The following TEX14 variants were observed in gnomAD, a reference collection of about 807,000 sequenced individuals.
The protein encoded by TEX14 is inactive serine/threonine-protein kinase TEX14.
A neutral mutation model predicts 178.6 loss-of-function variants in TEX14; 168 were observed. The ratio of observed to expected loss-of-function variants is 0.94; its 90% confidence interval spans 0.83 to 1.07. The LOEUF is 1.07. Ranked by LOEUF, TEX14 falls within the 50% of genes least tolerant of loss-of-function variation. The probability of loss-of-function intolerance (pLI) is 0.00; values close to 1 mark genes in which losing one functional copy is unlikely to be tolerated. For missense variants in TEX14, 1,730 were observed against 1,753.6 expected (o/e 0.99, Z 0.24); for synonymous variants, 626 against 634.1 (o/e 0.99, Z 0.19).
Position 58,599,233 on chromosome 17 carries a change from G to A in TEX14, c.2112C>T (p.Ser704=), listed in dbSNP as rs754212685. 1.2e-6 allele frequency: 2 copies of A among 1,613,902 alleles called. No homozygotes were observed. Among genetic ancestry groups the A allele is most frequent in the East Asian group, 2.2e-5 (1 of 44,886 alleles). The change falls in exon 14 of 32, where the codon AGC becomes AGT. Residue 704 remains serine, a synonymous_variant. Transcript: ENST00000349033. ...TGGCTTCTCTGGTTGACTCAGGAAG[G>A]CTGAGTGAACTGAGTGAACCGTTTT... ...DWQNGSLSSL[S]LPESTREAKS...
chr17:58,615,258 C>T lies in TEX14; in HGVS notation c.855G>A (p.Leu285=). The change falls in exon 8 of 32, where the codon TTG becomes TTA. Residue 285 remains leucine, a synonymous_variant. Transcript: ENST00000349033. The part of the protein sequence containing the change: ...PHCSRLRLAD[L]LIAEQEHSSK... ...TGCTGTGTTCCTGCTCGGCAATTAA[C>T]AAGTCGGCCAGCCGCAGCCTGCTGC... is the stretch of plus-strand genomic sequence containing the variant. 6.2e-7 allele frequency: 1 copy of T among 1,613,536 alleles called. No individual in the cohort carries two copies. The highest frequency in any genetic ancestry group is 8.5e-7 in the Non-Finnish European group (1 of 1,179,526).
At position 58,557,850 on chromosome 17, in the gene TEX14, T is replaced by A; in HGVS notation, c.4268A>T (p.Asp1423Val). The part of the protein sequence containing the change: ...SEGVLGTSEE[D>V]ELKSCFWKRL... ...CTTCCAAAAACAGGATTTTAGTTCA[T>A]CTTGATGAAATATAAGAGGAAGGAA... Residue 1423 changes from aspartate (D) to valine (V), a missense_variant and splice_region_variant, in exon 31 of 32, where the codon GAT becomes GTT. Physicochemically the swap from Asp to Val is radical, Grantham distance 152 (BLOSUM62 -3). Coordinates refer to ENST00000349033, the MANE Select transcript of TEX14 (RefSeq NM_031272.5). 6.2e-7 allele frequency: 1 copy of A among 1,611,590 alleles called. No homozygotes were observed. The highest frequency in any genetic ancestry group is 8.5e-7 in the Non-Finnish European group (1 of 1,178,498).
chr17:58,569,960 T>C lies in TEX14; in HGVS notation c.3817+425A>G, dbSNP rs894353670. 3.9e-5 allele frequency among the ~76,000 whole-genome samples: 6 copies of C among 152,030 alleles called. No homozygotes were observed. The highest frequency in any genetic ancestry group is 8.8e-5 in the Non-Finnish European group (6 of 67,994). On this transcript the variant is annotated intron_variant, in intron 25 of 31. Coordinates refer to ENST00000349033, the MANE Select transcript of TEX14 (RefSeq NM_031272.5). The surrounding 1 kb of genome is among the most constrained non-coding windows in gnomAD (Gnocchi z 4.1). The stretch of plus-strand genomic sequence containing the variant: ...TGTATAAAGAGCAAAAATTGGAAAA[T>C]GATATAAATCTTAAACATAAGAAAA...
intron 17 of TEX14, 78 bp from the exon 18 acceptor site, chr17:58,586,160 T>C: frequency 7.0e-7 from 1 of 1,419,944 alleles, no homozygotes; most frequent in Non-Finnish European, 9.6e-7. Context: ...AAGAAATACA[T>C]AATACTATTA....
intron 20 of TEX14, among the ~76,000 whole-genome samples, chr17:58,578,160 A>C (rs950819152): frequency 4.6e-5 from 7 of 152,112 alleles, no homozygotes; most frequent in African/African-American, 1.7e-4. Flanking sequence ...GTGGTCTGGT[A>C]GACACTAAGA....
intron 28 of TEX14, among the ~76,000 whole-genome samples, chr17:58,563,294 GTCAGGTTTCT>G (rs2144332636): frequency 6.6e-6 from 1 of 152,160 alleles, no homozygotes; most frequent in East Asian, 1.9e-4. Flanking sequence ...CAGGAACAGA[GTCAGGTTTCT>G]TGAGGCAACC....
chr17:58,631,539 A>G (rs148740245), intron 2 of TEX14: 2 of 150,734 alleles, frequency 1.3e-5, no homozygotes, highest in African/African-American at 2.5e-5. Context: ...TATATACACA[A>G]CACATCTCTC....
chr17:58,633,967 C>CGA lies in TEX14; in HGVS notation c.137-3415_137-3414dup, dbSNP rs1198769477. 7.5e-5 allele frequency among the ~76,000 whole-genome samples: 9 copies of CGA among 119,532 alleles called. No individual in the cohort carries two copies. In the East Asian group the frequency reaches 1.8e-3, roughly 23 times the overall value. 78.4% of individuals were successfully genotyped at this position (119,532 alleles called of 152,430 possible). A position where few individuals can be genotyped will look rare whatever the true frequency, so the allele number is the denominator to read the frequency against. Reference sequence around the variant, plus strand: ...TGGTGACAGAGCAAGACTCTGTCTCCGAAAAAAAAAAAAAAAGCAAATAAG... The same window carrying CGA: ...TGGTGACAGAGCAAGACTCTGTCTCCGAGAAAAAAAAAAAAAAAGCAAATAAG... On this transcript the variant is annotated intron_variant, in intron 2 of 31. Coordinates refer to ENST00000349033, the MANE Select transcript of TEX14 (RefSeq NM_031272.5).
intron 14 of TEX14, among the ~76,000 whole-genome samples, chr17:58,595,146 G>C (rs2045250137): frequency 6.6e-6 from 1 of 151,964 alleles, no homozygotes; most frequent in African/African-American, 2.4e-5. Flanking sequence ...AATCAAAATA[G>C]ATATTTAGAA....
chr17:58,659,309 T>C (rs1007098201), intron 1 of TEX14: 1 of 975,818 alleles, frequency 1.0e-6, no homozygotes, highest in South Asian at 4.7e-5. Context: ...AAGACATTAT[T>C]TACTTAATAT....
chr17:58,622,215 G>C (rs2046014229), intron 4 of TEX14, among the ~76,000 whole-genome samples: 1 of 152,174 alleles, frequency 6.6e-6, no homozygotes, highest in African/African-American at 2.4e-5. Context: ...GGGAGGCCAA[G>C]GTGGGCGAAT....
intron 28 of TEX14, among the ~76,000 whole-genome samples, chr17:58,561,938 C>A (rs1024643503): frequency 6.6e-6 from 1 of 151,996 alleles, no homozygotes; most frequent in Non-Finnish European, 1.5e-5. Flanking sequence ...ATACAAAAAT[C>A]AGCCGGCGTG....
At chr17:58,673,059 A>T (rs550287172) in intron 1 of TEX14, among the ~76,000 whole-genome samples, 25 of 151,844 alleles carry the variant, frequency 1.6e-4, no homozygotes, top group Non-Finnish European at 2.8e-4. Flanking sequence ...TACTTTTTTT[A>T]AAAAAAATTT....
intron 2 of TEX14, among the ~76,000 whole-genome samples, chr17:58,633,702 C>T (rs941192127): frequency 1.3e-5 from 2 of 152,182 alleles, no homozygotes; most frequent in African/African-American, 4.8e-5. Flanking sequence ...GGCGCAGTGG[C>T]TCACGCCTGT....
At chr17:58,617,433 C>T in intron 6 of TEX14, 105 bp downstream of exon 6, 1 of 777,520 alleles carries the variant, frequency 1.3e-6, no homozygotes, top group Non-Finnish European at 2.2e-6. Context: ...AAGAACAACA[C>T]TTTGGTGAGG....
intron 1 of TEX14, among the ~76,000 whole-genome samples, chr17:58,686,054 A>G (rs2047585901): frequency 6.7e-6 from 1 of 148,374 alleles, no homozygotes; most frequent in African/African-American, 2.5e-5. Context: ...AATGTACTGT[A>G]AAAAGATCAT....
rs1357680056 is a variant in TEX14 at position 58,621,780 on chromosome 17, C to T, written c.424G>A (p.Glu142Lys). 6.2e-7 allele frequency: 1 copy of T among 1,613,092 alleles called. No homozygotes were observed. The highest frequency in any genetic ancestry group is 8.5e-7 in the Non-Finnish European group (1 of 1,179,442). ...AGKERSTQIV[E>K]FMQRCASHMQ... Reference sequence around the variant, plus strand: ...TGTGAGGCACAGCGCTGCATGAACTCCACTATCTGCAAAACATCGCAGAGA... The same window carrying T: ...TGTGAGGCACAGCGCTGCATGAACTTCACTATCTGCAAAACATCGCAGAGA... Residue 142 changes from glutamate to lysine, a missense_variant, in exon 5 of 32, where the codon GAG becomes AAG. By Grantham distance (56) the Glu-to-Lys change is moderately conservative. Transcript: ENST00000349033.
chr17:58,661,472 T>G, intron 1 of TEX14: 2 of 782,210 alleles, frequency 2.6e-6, no homozygotes, highest in Non-Finnish European at 4.8e-6. Context: ...CTTGAACACC[T>G]TTTCCTGGAC....
At chr17:58,604,582 A>G (rs2045559915) in intron 11 of TEX14, among the ~76,000 whole-genome samples, 1 of 150,672 alleles carries the variant, frequency 6.6e-6, no homozygotes, top group Admixed American at 6.6e-5. Context: ...TTCTTTTGAG[A>G]CAGAGTCTCA....
Sources: allele counts gnomAD v4.1 joint callset (sites outside exome capture counted in the v4.1 genomes callset), GRCh38; gene constraint gnomAD v4.1.1; non-coding constraint Gnocchi (gnomAD v3.1); transcripts MANE v1.5; gene names NCBI Gene and HGNC (gene_info 2026-07-23, HGNC 2026-07-21).